The following KCNMA1 variants were observed in gnomAD, a reference collection of about 807,000 sequenced individuals.
KCNMA1 encodes the protein Calcium-activated potassium channel subunit alpha-1.
A neutral mutation model predicts 140.0 loss-of-function variants in KCNMA1; 29 were observed. The observed-to-expected ratio is 0.21, with a 90% CI of 0.15 to 0.28. The LOEUF (loss-of-function observed/expected upper bound fraction) is 0.28. KCNMA1 is among the 10% of genes least tolerant of loss of function. KCNMA1 has a pLI of 1.00. For missense variants in KCNMA1, 880 were observed against 1,602.2 expected, an observed-to-expected ratio of 0.55 and a Z score of 7.70; for synonymous variants, 612 against 611.9, an observed-to-expected ratio of 1.00 and a Z score of 0.00.
At chr10:77,590,417 G>C (rs577745967) in intron 1 of KCNMA1, among the ~76,000 whole-genome samples, 3 of 152,346 alleles carry the variant, frequency 2.0e-5, no homozygotes, top group Non-Finnish European at 4.4e-5. Flanking sequence ...CAGGTCCTGA[G>C]CCCTGCCCTG....
intron 14 of KCNMA1, among the ~76,000 whole-genome samples, chr10:77,066,130 C>T (rs1163401883): frequency 6.6e-6 from 1 of 152,142 alleles, no homozygotes; most frequent in African/African-American, 2.4e-5. Flanking sequence ...GGATCTGATT[C>T]ATGCTTGAGA....
intron 1 of KCNMA1, among the ~76,000 whole-genome samples, chr10:77,520,018 T>C (rs1426042807): frequency 1.7e-5 from 1 of 58,082 alleles, no homozygotes. Context: ...GTGTGAGGGC[T>C]GGGGTATGCA....
At chr10:77,222,639 C>CATCCT (rs2050051361) in intron 3 of KCNMA1, among the ~76,000 whole-genome samples, 1 of 152,186 alleles carries the variant, frequency 6.6e-6, no homozygotes, top group Non-Finnish European at 1.5e-5. Flanking sequence ...ACTTCAAAAA[C>CATCCT]ATCCTGAAGT....
chr10:76,896,561 T>C (rs2042598431), intron 25 of KCNMA1, among the ~76,000 whole-genome samples: 2 of 152,202 alleles, frequency 1.3e-5, no homozygotes, highest in East Asian at 1.9e-4. Flanking sequence ...AGAGTACTGA[T>C]TGGGGAAGTG....
Position 77,367,842 on chromosome 10 carries a change from ATGT to A in KCNMA1, c.540+36017_540+36019del, listed in dbSNP as rs1223712125. On this transcript the variant is annotated intron_variant, in intron 2 of 27. Coordinates refer to ENST00000286628, the MANE Select transcript of KCNMA1 (RefSeq NM_001161352.2). Reference sequence around the variant, plus strand: ...ACGCTGGCTTTTTTAATTGAGCAAAATGTTGTTGAGATTCATCCAAGTTGTTGC... The same window carrying A: ...ACGCTGGCTTTTTTAATTGAGCAAAATGTTGAGATTCATCCAAGTTGTTGC... Among the ~76,000 whole-genome samples the A allele has an allele frequency of 9.2e-5, 14 of 152,196 alleles. 1 individual carries two copies. Among genetic ancestry groups the A allele is most frequent in the Admixed American group, 1.3e-4 (2 of 15,284 alleles).
intron 19 of KCNMA1, among the ~76,000 whole-genome samples, chr10:76,991,641 T>G (rs2082798286): frequency 6.6e-6 from 1 of 152,218 alleles, no homozygotes; most frequent in Non-Finnish European, 1.5e-5. Context: ...TTCATTCTTT[T>G]ACTCATGAAA....
chr10:77,379,954 G>A (rs969586218), intron 2 of KCNMA1, among the ~76,000 whole-genome samples: 7 of 152,110 alleles, frequency 4.6e-5, no homozygotes, highest in Admixed American at 6.6e-5. Context: ...GGATGAATGC[G>A]GTACCTACTC....
chr10:76,945,943 G>A (rs1565100275), intron 22 of KCNMA1, among the ~76,000 whole-genome samples: 2 of 152,078 alleles, frequency 1.3e-5, no homozygotes, highest in African/African-American at 2.4e-5. Context: ...TGGGGGTGAG[G>A]GGAAAGTTTG....
In KCNMA1 at chr10:77,047,813, T is replaced by TA. The variant is rs1299879984; in HGVS notation, c.1750-8177dup. 2.8e-4 allele frequency among the ~76,000 whole-genome samples: 43 copies of TA among 152,286 alleles called. 2 individuals are homozygous for TA. The highest frequency in any genetic ancestry group is 1.0e-3 in the African/African-American group (42 of 41,568). ...TAAAAATACCACTGAAAATAATTCT[T>TA]ATTTGGGTAAATTGAGCAGGAAGTA... On this transcript the variant is annotated intron_variant, in intron 14 of 27. Transcript: ENST00000286628.
intron 14 of KCNMA1, among the ~76,000 whole-genome samples, chr10:77,057,752 TAAGA>T (rs1284616564): frequency 1.3e-5 from 2 of 151,794 alleles, no homozygotes; most frequent in South Asian, 4.1e-4. Context: ...TAAAGAAGTA[TAAGA>T]AATACCACAG....
intron 2 of KCNMA1, among the ~76,000 whole-genome samples, chr10:77,359,958 T>C (rs1435431001): frequency 6.6e-6 from 1 of 152,082 alleles, no homozygotes. Context: ...GGCAAAGATG[T>C]ATAAAAAAAG....
intron 1 of KCNMA1, among the ~76,000 whole-genome samples, chr10:77,432,785 T>A (rs2097179806): frequency 6.6e-6 from 1 of 152,132 alleles, no homozygotes; most frequent in Non-Finnish European, 1.5e-5. Flanking sequence ...TTTCAACTTT[T>A]AAAAAACTAC....
exon 28 of KCNMA1, chr10:76,870,205 T>C (rs2030986371): frequency 6.6e-6 from 1 of 152,440 alleles, no homozygotes; most frequent in African/African-American, 2.4e-5. Context: ...CAGTCCACCT[T>C]GCGGGCGGGG....
At chr10:77,377,188 G>A (rs555779687) in intron 2 of KCNMA1, among the ~76,000 whole-genome samples, 7 of 152,210 alleles carry the variant, frequency 4.6e-5, no homozygotes, top group Admixed American at 3.9e-4. Flanking sequence ...GCTTCCTCCC[G>A]GGCTGCTTCT....
chr10:77,378,498 GTC>G (rs2095262278), intron 2 of KCNMA1, among the ~76,000 whole-genome samples: 2 of 152,232 alleles, frequency 1.3e-5, no homozygotes, highest in Admixed American at 1.3e-4. Flanking sequence ...ACAGTGGGAT[GTC>G]TCTCTCTTGC....
At chr10:77,374,897 G>A (rs540305007) in intron 2 of KCNMA1, among the ~76,000 whole-genome samples, 2 of 152,270 alleles carry the variant, frequency 1.3e-5, no homozygotes, top group East Asian at 3.9e-4. Context: ...ATATTTGGGG[G>A]AAGGAAGCTG....
intron 14 of KCNMA1, among the ~76,000 whole-genome samples, chr10:77,063,170 T>C (rs2095818350): frequency 6.6e-6 from 1 of 152,124 alleles, no homozygotes; most frequent in African/African-American, 2.4e-5. Flanking sequence ...CCCAGCACTT[T>C]GGGAGGCTGA....
chr10:77,492,155 A>T (rs1447847958), intron 1 of KCNMA1, among the ~76,000 whole-genome samples: 4 of 152,146 alleles, frequency 2.6e-5, no homozygotes, highest in African/African-American at 9.7e-5. Context: ...TGCAGGTGAA[A>T]ATCCACACTG....
At chr10:76,938,791 A>C (rs2061225469) in intron 23 of KCNMA1, among the ~76,000 whole-genome samples, 2 of 152,060 alleles carry the variant, frequency 1.3e-5, no homozygotes, top group Admixed American at 6.6e-5. Context: ...TGTCCCTCTA[A>C]CACATCCCCA....
Sources: gnomAD v4.1 joint callset for allele counts (sites outside exome capture counted in the v4.1 genomes callset) on GRCh38, gnomAD v4.1.1 for gene constraint, MANE v1.5 for transcripts, NCBI Gene and HGNC (gene_info 2026-07-23, HGNC 2026-07-21) for gene names.